The following ZFHX3 variants were observed in gnomAD, a reference collection of about 807,000 sequenced individuals.
ZFHX3 encodes zinc finger homeobox 3, also known as zinc finger homeobox protein 3.
A neutral mutation model predicts 279.1 loss-of-function variants in ZFHX3; 42 were observed. The ratio of observed to expected loss-of-function variants is 0.15; its 90% CI spans 0.12 to 0.19. The LOEUF (loss-of-function observed/expected upper bound fraction) is 0.19. Ranked by LOEUF, ZFHX3 falls within the 10% of genes least tolerant of loss-of-function variation. The pLI is 1.00. For missense variants in ZFHX3, 4,981 were observed against 4,754.0 expected (o/e 1.05, Z -1.40); for synonymous variants, 2,293 against 1,957.8 (o/e 1.17, Z -4.52).
intron 7 of ZFHX3, among the ~76,000 whole-genome samples, chr16:73,117,593 A>G (rs1046871261): frequency 6.6e-6 from 1 of 152,240 alleles, no homozygotes; most frequent in African/African-American, 2.4e-5. Context: ...AAGAAATGGC[A>G]AGAAAGGGTG....
chr16:73,729,294 A>C (rs1320854171), intron 1 of ZFHX3, among the ~76,000 whole-genome samples: 1 of 152,202 alleles, frequency 6.6e-6, no homozygotes, highest in African/African-American at 2.4e-5. Flanking sequence ...CTGGAGGCCA[A>C]AGTGGGTGGA....
chr16:73,784,787 A>AAC lies in ZFHX3; in HGVS notation c.-1607-104548_-1607-104547insGT, dbSNP rs1491224769. ...TTTAAAAAACTATTTTTAACAAAAT[A>AAC]AAAAAAAAAATATATATATATATAT... On this transcript the variant is annotated intron_variant, in intron 1 of 17. Transcript: ENST00000641206. 9.8e-3 allele frequency among the ~76,000 whole-genome samples: 895 copies of AAC among 91,748 alleles called. 12 individuals carry two copies. Among genetic ancestry groups the AAC allele is most frequent in the African/African-American group, 0.08 (852 of 10,650 alleles). The allele number at this position is 91,748 out of a possible 152,430, so 60.2% of individuals were successfully genotyped here.
intron 2 of ZFHX3, among the ~76,000 whole-genome samples, chr16:73,607,282 C>T (rs956657725): frequency 3.3e-5 from 5 of 152,328 alleles, no homozygotes; most frequent in Admixed American, 1.3e-4. Context: ...CCACCTTGGC[C>T]TCCCAAACTG....
intron 2 of ZFHX3, among the ~76,000 whole-genome samples, chr16:73,473,339 C>CAAAAAAAAAAAAAAAAAA (rs11347779): frequency 6.9e-4 from 53 of 76,642 alleles, no homozygotes; most frequent in East Asian, 1.1e-3. Context: ...TGTCTCAAAG[C>CAAAAAAAAAAAAAAAAAA]AAAAAAAAAA....
At chr16:73,439,449 A>G (rs1276895454) in intron 3 of ZFHX3, among the ~76,000 whole-genome samples, 4 of 152,026 alleles carry the variant, frequency 2.6e-5, no homozygotes, top group Non-Finnish European at 5.9e-5. Flanking sequence ...CCTCCAGCCC[A>G]GTGTATTTGG....
chr16:73,855,539 A>C (rs1961706510), intron 1 of ZFHX3, among the ~76,000 whole-genome samples: 1 of 152,080 alleles, frequency 6.6e-6, no homozygotes, highest in Non-Finnish European at 1.5e-5. Context: ...ATATTCCTAC[A>C]AGCTTCAAAC....
intron 1 of ZFHX3, among the ~76,000 whole-genome samples, chr16:73,719,154 G>A (rs1026247219): frequency 1.3e-4 from 20 of 152,250 alleles, no homozygotes; most frequent in African/African-American, 4.8e-4. Context: ...CTTTCTAATT[G>A]TGCTTCAATG....
intron 1 of ZFHX3, among the ~76,000 whole-genome samples, chr16:73,887,739 A>G (rs2030394137): frequency 6.6e-6 from 1 of 152,220 alleles, no homozygotes; most frequent in Non-Finnish European, 1.5e-5. Flanking sequence ...AGTAACACAC[A>G]CACTTTTTTT....
intron 2 of ZFHX3, among the ~76,000 whole-genome samples, chr16:73,624,614 C>A: frequency 2.0e-5 from 3 of 148,698 alleles, no homozygotes; most frequent in Admixed American, 6.9e-5. Context: ...GAAATGAATT[C>A]AGCAGATAAT....
chr16:73,093,223 A>G (rs751935491), intron 8 of ZFHX3: 1 of 518,856 alleles, frequency 1.9e-6, no homozygotes. Context: ...TAAGGGAATG[A>G]TCCGGTCCTA....
At chr16:73,348,057 T>G (rs1477096387) in intron 3 of ZFHX3, among the ~76,000 whole-genome samples, 2 of 152,206 alleles carry the variant, frequency 1.3e-5, no homozygotes, top group Non-Finnish European at 2.9e-5. Flanking sequence ...AAAGGAACTG[T>G]GTGACCTGCT....
At chr16:72,909,184 A>G (rs1215958031) in intron 3 of ZFHX3, among the ~76,000 whole-genome samples, 1 of 152,228 alleles carries the variant, frequency 6.6e-6, no homozygotes, top group South Asian at 2.1e-4. Context: ...CCTAGAATTC[A>G]TAAGAATACA....
At chr16:73,858,816 T>A (rs540678774) in intron 1 of ZFHX3, among the ~76,000 whole-genome samples, 5 of 152,288 alleles carry the variant, frequency 3.3e-5, no homozygotes, top group African/African-American at 1.2e-4. Context: ...AGCACCAAAA[T>A]AATCCACAGC....
At chr16:73,062,975 C>CT (rs1724343498), upstream of ZFHX3, among the ~76,000 whole-genome samples, 2 of 152,366 alleles carry the variant, frequency 1.3e-5, no homozygotes, top group South Asian at 4.1e-4. Context: ...TTAACATGAT[C>CT]TAAACATCCC....
chr16:73,368,899 C>T (rs542073481), intron 3 of ZFHX3, among the ~76,000 whole-genome samples: 2 of 152,266 alleles, frequency 1.3e-5, no homozygotes, highest in Non-Finnish European at 2.9e-5. Flanking sequence ...AAGTAACTTG[C>T]CTAAGGTCAC....
At chr16:72,946,921 C>T (rs78069248) in intron 3 of ZFHX3, among the ~76,000 whole-genome samples, 3,671 of 152,270 alleles carry the variant, frequency 0.024, 88 homozygotes, top group South Asian at 0.062. Flanking sequence ...AGACAAGTGC[C>T]TTCTGCATTT....
chr16:73,787,957 C>T (rs1959703774), intron 1 of ZFHX3, among the ~76,000 whole-genome samples: 2 of 152,018 alleles, frequency 1.3e-5, no homozygotes, highest in Admixed American at 1.3e-4. Flanking sequence ...ACGCATTCCA[C>T]TGGGGTAGCT....
At chr16:72,997,201 C>T (rs1048772556) in intron 1 of ZFHX3, among the ~76,000 whole-genome samples, 25 of 152,248 alleles carry the variant, frequency 1.6e-4, no homozygotes, top group Admixed American at 2.0e-4. Context: ...CCATCTGTCA[C>T]TGGCGGGGTA....
chr16:72,800,551 G>A (rs1215798314), intron 7 of ZFHX3, among the ~76,000 whole-genome samples: 3 of 152,112 alleles, frequency 2.0e-5, no homozygotes, highest in African/African-American at 7.2e-5. Flanking sequence ...TCTTGAAGCA[G>A]GGAGCATTGT....
Sources: allele counts gnomAD v4.1 joint callset (sites outside exome capture counted in the v4.1 genomes callset), GRCh38; gene constraint gnomAD v4.1.1; transcripts MANE v1.5; gene names NCBI Gene and HGNC (gene_info 2026-07-23, HGNC 2026-07-21).